Variants in NTN4 observed in about 807,000 individuals in gnomAD.
NTN4 encodes netrin 4.
NTN4 carries 32 observed loss-of-function variants against 73.6 expected under a neutral mutation model. The ratio of observed to expected loss-of-function variants is 0.44; its 90% CI spans 0.33 to 0.58. The LOEUF (loss-of-function observed/expected upper bound fraction) is 0.58, where lower values mean the gene tolerates loss of function less well. Among genes scored for constraint, NTN4 ranks in the 20% least tolerant of loss-of-function variants. The probability of loss-of-function intolerance (pLI) is 0.04; values close to 1 mark genes in which losing one functional copy is unlikely to be tolerated. For missense variants in NTN4, 654 were observed against 798.3 expected (o/e 0.82, Z 2.18); for synonymous variants, 258 against 287.5 (o/e 0.90, Z 1.04).
At chr12:95,666,227 G>A (rs1222156853) in intron 8 of NTN4, among the ~76,000 whole-genome samples, 5 of 152,108 alleles carry the variant, frequency 3.3e-5, no homozygotes, top group African/African-American at 9.7e-5. Context: ...TAAGCTATGA[G>A]GATGCAAAGA....
intron 2 of NTN4, among the ~76,000 whole-genome samples, chr12:95,776,575 A>G (rs929547339): frequency 1.3e-5 from 2 of 152,230 alleles, no homozygotes; most frequent in African/African-American, 4.8e-5. Context: ...TTGAAGATCA[A>G]ATGAGTGAAA....
chr12:95,712,589 G>A (rs2078572001), intron 4 of NTN4, among the ~76,000 whole-genome samples: 2 of 151,810 alleles, frequency 1.3e-5, no homozygotes, highest in South Asian at 4.2e-4. Context: ...AGATGTTCTC[G>A]TGTCTATTCA....
intron 3 of NTN4, among the ~76,000 whole-genome samples, chr12:95,728,982 A>G (rs1455180611): frequency 2.0e-5 from 3 of 152,126 alleles, no homozygotes; most frequent in Non-Finnish European, 4.4e-5. Context: ...GTCTTCCGCC[A>G]TGATTGGAAG....
Position 95,671,423 on chromosome 12 carries a change from A to T in NTN4, c.1511-1277T>A, listed in dbSNP as rs1592654178. Among the ~76,000 whole-genome samples the T allele has an allele frequency of 3.9e-5, 6 of 152,260 alleles. No individual in the cohort carries two copies. In the South Asian group the frequency reaches 1.2e-3, roughly 32 times the overall value. On this transcript the variant is annotated intron_variant, in intron 7 of 9. Coordinates refer to ENST00000343702, the MANE Select transcript of NTN4 (RefSeq NM_021229.4). ...GCAGCTTGAGAGAGAGCTGATTTTC[A>T]TCTGAATTTACAGCCACTTCCCATC...
At chr12:95,771,559 A>T (rs1051515056) in intron 2 of NTN4, among the ~76,000 whole-genome samples, 1 of 152,222 alleles carries the variant, frequency 6.6e-6, no homozygotes, top group Non-Finnish European at 1.5e-5. Flanking sequence ...AAATTTCATA[A>T]CATTAAGCAG....
intron 2 of NTN4, among the ~76,000 whole-genome samples, chr12:95,739,590 A>G (rs1280787772): frequency 1.3e-5 from 2 of 152,230 alleles, no homozygotes; most frequent in East Asian, 1.9e-4. Flanking sequence ...CTGATTCTCA[A>G]CGTGACCTCC....
intron 6 of NTN4, 56 bp from the exon 7 acceptor site, chr12:95,682,878 A>G: frequency 8.9e-6 from 9 of 1,006,306 alleles, no homozygotes; most frequent in Non-Finnish European, 1.2e-5. Context: ...GAACTTGTAT[A>G]GAAATGAATC....
At chr12:95,668,039 T>C (rs1357436882) in intron 8 of NTN4, among the ~76,000 whole-genome samples, 1 of 152,078 alleles carries the variant, frequency 6.6e-6, no homozygotes, top group Non-Finnish European at 1.5e-5. Flanking sequence ...ATGTTCGCTA[T>C]TATTATTCCA....
chr12:95,759,302 T>G (rs368997510), intron 2 of NTN4, among the ~76,000 whole-genome samples: 31 of 152,240 alleles, frequency 2.0e-4, no homozygotes, highest in African/African-American at 5.8e-4. Flanking sequence ...GTCCTCAGCT[T>G]CTTCTTTTAG....
intron 2 of NTN4, among the ~76,000 whole-genome samples, chr12:95,767,700 C>A (rs2079029431): frequency 6.6e-6 from 1 of 152,140 alleles, no homozygotes; most frequent in African/African-American, 2.4e-5. Context: ...CAATCATTTC[C>A]CATATTGATG....
chr12:95,777,517 T>C (rs1158668355), intron 2 of NTN4, among the ~76,000 whole-genome samples: 4 of 152,128 alleles, frequency 2.6e-5, no homozygotes, highest in African/African-American at 9.7e-5. Context: ...AATCCTAGTC[T>C]CTGATAAAAC....
chr12:95,665,638 A>G (rs544277509), intron 9 of NTN4, 172 bp downstream of exon 9: 5 of 500,304 alleles, frequency 1.0e-5, no homozygotes, highest in African/African-American at 2.0e-5. Context: ...AAGAGAAATA[A>G]TTTTTCGATG....
At chr12:95,702,783 A>G (rs1375378817) in intron 5 of NTN4, among the ~76,000 whole-genome samples, 3 of 150,860 alleles carry the variant, frequency 2.0e-5, no homozygotes, top group Non-Finnish European at 4.4e-5. Flanking sequence ...AACTAAACTG[A>G]GCTACAACTT....
At chr12:95,711,335 C>T (rs975123884) in intron 4 of NTN4, among the ~76,000 whole-genome samples, 2 of 152,182 alleles carry the variant, frequency 1.3e-5, no homozygotes, top group African/African-American at 2.4e-5. Context: ...GGAAAGATTA[C>T]AGGAGTGACA....
At chr12:95,669,047 C>T (rs2078205427) in intron 8 of NTN4, among the ~76,000 whole-genome samples, 1 of 151,930 alleles carries the variant, frequency 6.6e-6, no homozygotes, top group South Asian at 2.1e-4. Context: ...TTGCTTGAAC[C>T]TGGGAGGTGG....
chr12:95,733,501 G>A (rs1340938639), intron 3 of NTN4, among the ~76,000 whole-genome samples: 1 of 152,202 alleles, frequency 6.6e-6, no homozygotes, highest in Admixed American at 6.5e-5. Context: ...CCCGGGCACA[G>A]AGCATCAGAC....
chr12:95,661,376 G>T (rs1297898027), intron 9 of NTN4, among the ~76,000 whole-genome samples: 1 of 152,170 alleles, frequency 6.6e-6, no homozygotes, highest in Non-Finnish European at 1.5e-5. Context: ...TCATTTCTCA[G>T]ACTCTAATGA....
chr12:95,776,382 G>A (rs544167391), intron 2 of NTN4, among the ~76,000 whole-genome samples: 5 of 152,252 alleles, frequency 3.3e-5, no homozygotes, highest in African/African-American at 7.2e-5. Flanking sequence ...GAGGAAGTTC[G>A]AACCCATCGC....
chr12:95,713,467 T>G (rs191578498), intron 3 of NTN4, 129 bp from the exon 4 acceptor site: 1 of 1,070,148 alleles, frequency 9.3e-7, no homozygotes, highest in African/African-American at 1.6e-5. Flanking sequence ...CTGAAGAAGT[T>G]AGCCATCAAG....
Sources: allele counts gnomAD v4.1 joint callset (sites outside exome capture counted in the v4.1 genomes callset), GRCh38; gene constraint gnomAD v4.1.1; transcripts MANE v1.5; gene names NCBI Gene and HGNC (gene_info 2026-07-23, HGNC 2026-07-21).